NRG1: variants seen among roughly 807,000 people sequenced by gnomAD.
NRG1 encodes pro-neuregulin-1, membrane-bound isoform.
NRG1 carries 18 observed loss-of-function variants against 63.8 expected under a neutral mutation model. The observed-to-expected ratio is 0.28, with a 90% CI of 0.19 to 0.42. The LOEUF is 0.42. NRG1 is among the 10% of genes least tolerant of loss of function. NRG1 has a pLI of 1.00. For synonymous variants in NRG1, 302 were observed against 301.3 expected, an observed-to-expected ratio of 1.00 and a Z score of -0.02; for missense variants, 762 against 814.7, an observed-to-expected ratio of 0.94 and a Z score of 0.79.
intron 1 of NRG1, among the ~76,000 whole-genome samples, chr8:31,789,563 AC>A (rs1428285080): frequency 6.6e-6 from 1 of 152,226 alleles, no homozygotes; most frequent in East Asian, 1.9e-4. Context: ...ATAAACCACA[AC>A]GTGATAGAAG....
intron 7 of NRG1, among the ~76,000 whole-genome samples, chr8:32,753,717 AT>A (rs1829160468): frequency 6.6e-6 from 1 of 152,160 alleles, no homozygotes; most frequent in South Asian, 2.1e-4. Flanking sequence ...TTGTGTTCAC[AT>A]TTTACTGTTA....
intron 1 of NRG1, among the ~76,000 whole-genome samples, chr8:31,912,247 GT>G (rs563550259): frequency 6.6e-6 from 1 of 152,122 alleles, no homozygotes; most frequent in Non-Finnish European, 1.5e-5. Flanking sequence ...ATTGATAACT[GT>G]TTTTTGTCAG....
chr8:32,276,651 T>C (rs1437989210), intron 1 of NRG1, among the ~76,000 whole-genome samples: 2 of 152,140 alleles, frequency 1.3e-5, no homozygotes, highest in Non-Finnish European at 2.9e-5. Context: ...ACTACAGGTA[T>C]GCACCACCAC....
chr8:32,123,658 A>G (rs1347760450), intron 1 of NRG1, among the ~76,000 whole-genome samples: 1 of 149,274 alleles, frequency 6.7e-6, no homozygotes, highest in Non-Finnish European at 1.5e-5. Flanking sequence ...TATATTATGT[A>G]ATTTTTCATT....
At chr8:32,113,246 A>G (rs1832271013) in intron 1 of NRG1, among the ~76,000 whole-genome samples, 1 of 152,140 alleles carries the variant, frequency 6.6e-6, no homozygotes, top group Non-Finnish European at 1.5e-5. Flanking sequence ...CAGTAGTAGG[A>G]GACTGATGGT....
At chr8:32,044,217 A>C (rs948790724) in intron 1 of NRG1, among the ~76,000 whole-genome samples, 1 of 151,948 alleles carries the variant, frequency 6.6e-6, no homozygotes, top group Non-Finnish European at 1.5e-5. Context: ...AGATGACATT[A>C]AATAATAATA....
At chr8:32,737,562 A>G (rs909862412) in intron 6 of NRG1, among the ~76,000 whole-genome samples, 1 of 152,176 alleles carries the variant, frequency 6.6e-6, no homozygotes, top group East Asian at 1.9e-4. Flanking sequence ...AAAAATAAAA[A>G]AAAAATTATC....
chr8:31,842,202 G>A (rs1383004859), intron 1 of NRG1, among the ~76,000 whole-genome samples: 1 of 152,166 alleles, frequency 6.6e-6, no homozygotes, highest in African/African-American at 2.4e-5. Context: ...AGCAGTTTTG[G>A]TTAACCTGGT....
chr8:32,713,370 C>T (rs1308794268), intron 5 of NRG1, among the ~76,000 whole-genome samples: 3 of 152,134 alleles, frequency 2.0e-5, no homozygotes, highest in South Asian at 2.1e-4. Context: ...CTTCCGGTTT[C>T]GGTAAACTAT....
At chr8:32,556,027 G>T (rs1201553201) in intron 1 of NRG1, among the ~76,000 whole-genome samples, 5 of 152,290 alleles carry the variant, frequency 3.3e-5, no homozygotes, top group South Asian at 4.1e-4. Flanking sequence ...GCCTTCTCTG[G>T]GCAGCTGTGG....
At chr8:32,115,713 A>G (rs1386559763) in intron 1 of NRG1, among the ~76,000 whole-genome samples, 1 of 152,144 alleles carries the variant, frequency 6.6e-6, no homozygotes, top group Non-Finnish European at 1.5e-5. Context: ...ATATAAATTT[A>G]CTTAATCCTC....
chr8:32,726,930 T>C (rs915353511), intron 5 of NRG1, among the ~76,000 whole-genome samples: 4 of 151,574 alleles, frequency 2.6e-5, no homozygotes, highest in Non-Finnish European at 4.4e-5. Context: ...TTTTTTTTTT[T>C]CCTAAAAGAG....
chr8:31,980,914 A>G (rs150417620), intron 1 of NRG1, among the ~76,000 whole-genome samples: 3 of 152,170 alleles, frequency 2.0e-5, no homozygotes, highest in African/African-American at 7.2e-5. Flanking sequence ...GAATGTGACA[A>G]TGTTCTATGT....
intron 1 of NRG1, among the ~76,000 whole-genome samples, chr8:31,906,911 TAA>T (rs1401559469): frequency 6.6e-6 from 1 of 151,904 alleles, no homozygotes; most frequent in Non-Finnish European, 1.5e-5. Flanking sequence ...GAAAAAGAGA[TAA>T]GTTAGGATAA....
chr8:32,503,702 C>T (rs537358584), intron 1 of NRG1, among the ~76,000 whole-genome samples: 150 of 152,210 alleles, frequency 9.9e-4, no homozygotes, highest in African/African-American at 3.5e-3. Context: ...TGAATCCATA[C>T]GGGTATGCAG....
chr8:31,674,530 G>A (rs749195127), intron 1 of NRG1, among the ~76,000 whole-genome samples: 11 of 149,126 alleles, frequency 7.4e-5, no homozygotes, highest in East Asian at 2.0e-4. Flanking sequence ...ATGGATCCCC[G>A]TTTATCTTTC....
chr8:32,453,680 C>T (rs1000153879), intron 1 of NRG1, among the ~76,000 whole-genome samples: 1 of 152,136 alleles, frequency 6.6e-6, no homozygotes, highest in African/African-American at 2.4e-5. Flanking sequence ...AACAGACAGT[C>T]CTTCCACAGC....
intron 3 of NRG1, among the ~76,000 whole-genome samples, chr8:32,606,941 C>G (rs1845376987): frequency 6.6e-6 from 1 of 152,000 alleles, no homozygotes; most frequent in Non-Finnish European, 1.5e-5. Context: ...AAATCAGAAA[C>G]AGGGCTGGGA....
intron 1 of NRG1, among the ~76,000 whole-genome samples, chr8:32,367,676 A>C (rs1188215035): frequency 6.6e-6 from 1 of 151,876 alleles, no homozygotes; most frequent in Non-Finnish European, 1.5e-5. Context: ...GTTAGTTTTT[A>C]GTTTAATATG....
Sources: gnomAD v4.1 joint callset for allele counts (sites outside exome capture counted in the v4.1 genomes callset) on GRCh38, gnomAD v4.1.1 for gene constraint, MANE v1.5 for transcripts, NCBI Gene and HGNC (gene_info 2026-07-23, HGNC 2026-07-21) for gene names.